RNASEH1: variants seen among roughly 807,000 people sequenced by gnomAD.
RNASEH1 encodes the protein ribonuclease H type II.
Under a neutral mutation model 34.6 loss-of-function variants are expected in RNASEH1, and 27 were observed. The ratio of observed to expected loss-of-function variants is 0.78; its 90% confidence interval spans 0.58 to 1.08. The LOEUF (loss-of-function observed/expected upper bound fraction) is 1.08, where lower values mean the gene tolerates loss of function less well. RNASEH1 is among the 50% of genes least tolerant of loss of function. The probability of loss-of-function intolerance (pLI) is 0.00; values close to 1 mark genes in which losing one functional copy is unlikely to be tolerated. For missense variants in RNASEH1, 349 were observed against 373.6 expected (o/e 0.93, Z 0.54); for synonymous variants, 162 against 138.4 (o/e 1.17, Z -1.20).
rs899397466 is a variant in RNASEH1, at chr2:3,542,937, G to A, written c.*2848C>T. ...TCTAGAAATAATGACCAACGCAATA[G>A]CAATGAGCATCCTAAACTGGATCTG... is the stretch of plus-strand genomic sequence containing the variant. On this transcript the variant is annotated 3_prime_UTR_variant, in exon 8 of 8. Coordinates refer to ENST00000315212, the MANE Select transcript of RNASEH1 (RefSeq NM_002936.6). Among the ~76,000 whole-genome samples, 1 of 152,138 alleles carries A rather than the reference G, an allele frequency of 6.6e-6. No individual in the cohort carries two copies. The highest frequency in any genetic ancestry group is 1.5e-5 in the Non-Finnish European group (1 of 68,034).
Position 3,550,405 on chromosome 2 carries a change from T to C in RNASEH1, c.477A>G (p.Gly159=), listed in dbSNP as rs771128220. 20 of 1,614,054 alleles carry C rather than the reference T, an allele frequency of 1.2e-5. No homozygotes were observed. In the South Asian group the frequency reaches 2.2e-4, roughly 18 times the overall value. The change falls in exon 4 of 8, where the codon GGA becomes GGG. Residue 159 remains glycine (G), a synonymous_variant. Coordinates refer to ENST00000315212, the MANE Select transcript of RNASEH1 (RefSeq NM_002936.6). ...GGCCTGGCCCCCAGTAAACGCCGAT[T>C]CCTGCTCGCGGCCTTCTACGCCCAT... ...SSNGRRRPRA[G]IGVYWGPGHP... is the part of the protein sequence containing the mutation.
Position 3,544,331 on chromosome 2 carries a change from A to G in RNASEH1, c.*1454T>C, listed in dbSNP as rs1668548906. ...AACATAGAGGACCATGCTGAACTAC[A>G]CCATGACCACGTGGTCAGCAAAATC... On this transcript the variant is annotated 3_prime_UTR_variant, in exon 8 of 8. Coordinates refer to ENST00000315212, the MANE Select transcript of RNASEH1 (RefSeq NM_002936.6). Among the ~76,000 whole-genome samples, 1 of 151,212 alleles carries G rather than the reference A, an allele frequency of 6.6e-6. No individual in the cohort carries two copies. The highest frequency in any genetic ancestry group is 2.4e-5 in the African/African-American group (1 of 41,014).
chr2:3,539,596 CAT>C (rs1300310124), downstream of RNASEH1, among the ~76,000 whole-genome samples: 6 of 152,106 alleles, frequency 3.9e-5, no homozygotes, highest in African/African-American at 1.2e-4. Flanking sequence ...CGGCCCTCCC[CAT>C]GTTACCCCTG....
At chr2:3,554,617 CTAAAGTT>C (rs766443731) in intron 2 of RNASEH1, among the ~76,000 whole-genome samples, 2 of 152,098 alleles carry the variant, frequency 1.3e-5, no homozygotes, top group Admixed American at 1.3e-4. Flanking sequence ...TAGGAGGTCT[CTAAAGTT>C]TAAAGAAGTA....
At chr2:3,540,837 A>T (rs1475399394), downstream of RNASEH1, among the ~76,000 whole-genome samples, 1 of 152,084 alleles carries the variant, frequency 6.6e-6, no homozygotes, top group Non-Finnish European at 1.5e-5. Context: ...AGGCAGCAGC[A>T]GGAGCATGCT....
In RNASEH1 at chr2:3,550,932, T is replaced by C. The variant is rs115082293; in HGVS notation, c.410-460A>G. ...ATTTCTTCCCTGGCATATTTGCTGCTAGTTAAGTGTGGTTCCCGTCTTTGC... is the reference window on the plus strand; with the variant it reads ...ATTTCTTCCCTGGCATATTTGCTGCCAGTTAAGTGTGGTTCCCGTCTTTGC... On this transcript the variant is annotated intron_variant, in intron 3 of 7. Transcript: ENST00000315212. Among the ~76,000 whole-genome samples, 625 of 152,340 alleles carry C rather than the reference T, an allele frequency of 4.1e-3. 2 individuals carry two copies. Among genetic ancestry groups the C allele is most frequent in the African/African-American group, 0.015 (609 of 41,570 alleles).
intron 6 of RNASEH1, 85 bp from the exon 7 acceptor site, chr2:3,548,140 C>T: frequency 6.7e-7 from 1 of 1,497,644 alleles, no homozygotes; most frequent in Admixed American, 1.7e-5. Context: ...ATAATTGATC[C>T]CACTTGTATT....
downstream of RNASEH1, among the ~76,000 whole-genome samples, chr2:3,538,379 T>C (rs904053875): frequency 6.6e-6 from 1 of 151,276 alleles, no homozygotes; most frequent in African/African-American, 2.4e-5. Flanking sequence ...TATATATATA[T>C]AAAAGATAAA....
Position 3,548,734 on chromosome 2 carries a change from A to T in RNASEH1, c.565-10T>A. ...TGGCTTTGCAGGCTGCCTTGAAAAG[A>T]CAAGTCGATAGTCATGCTACAGAAA... On this transcript the variant is annotated splice_polypyrimidine_tract_variant and intron_variant, in intron 5 of 7. Transcript: ENST00000315212. 6.3e-7 allele frequency: 1 copy of T among 1,599,950 alleles called. No homozygotes were observed. Among genetic ancestry groups the T allele is most frequent in the Non-Finnish European group, 8.6e-7 (1 of 1,167,916 alleles).
chr2:3,549,896 A>C (rs544632084), intron 4 of RNASEH1, among the ~76,000 whole-genome samples: 1 of 150,768 alleles, frequency 6.6e-6, no homozygotes, highest in East Asian at 2.0e-4. Flanking sequence ...CAGTGAGCCG[A>C]GATCGCGCCA....
At chr2:3,537,991 C>T (rs531381577), downstream of RNASEH1, among the ~76,000 whole-genome samples, 2 of 150,406 alleles carry the variant, frequency 1.3e-5, no homozygotes, top group South Asian at 2.1e-4. Context: ...CAGTTGAGAT[C>T]GCACCATTGC....
chr2:3,551,648 C>A (rs141840345), intron 3 of RNASEH1, among the ~76,000 whole-genome samples: 19 of 152,244 alleles, frequency 1.2e-4, no homozygotes, highest in Admixed American at 3.9e-4. Flanking sequence ...GTAAAAGACA[C>A]AAAGGAGAAT....
In RNASEH1 at chr2:3,542,377, A is replaced by G. The variant is rs1558443912; in HGVS notation, c.*3408T>C. Among the ~76,000 whole-genome samples, 2 of 152,224 alleles carry G rather than the reference A, an allele frequency of 1.3e-5. No homozygotes were observed. Among genetic ancestry groups the G allele is most frequent in the Admixed American group, 6.5e-5 (1 of 15,284 alleles). On this transcript the variant is annotated 3_prime_UTR_variant, in exon 8 of 8. Coordinates refer to ENST00000315212, the MANE Select transcript of RNASEH1 (RefSeq NM_002936.6). Reference sequence around the variant, plus strand: ...AGCATATGACTGTCAGGGGAAGAAAACAAGATTCATCAGGCTTTTCATGCA... The same window carrying G: ...AGCATATGACTGTCAGGGGAAGAAAGCAAGATTCATCAGGCTTTTCATGCA...
At chr2:3,540,866 C>T (rs1668256963), downstream of RNASEH1, among the ~76,000 whole-genome samples, 2 of 152,096 alleles carry the variant, frequency 1.3e-5, no homozygotes, top group African/African-American at 2.4e-5. Flanking sequence ...CTTCTCAAAT[C>T]CCCACCTAAA....
intron 1 of RNASEH1, among the ~76,000 whole-genome samples, chr2:3,557,485 C>G (rs1303757149): frequency 6.6e-6 from 1 of 152,204 alleles, no homozygotes; most frequent in Non-Finnish European, 1.5e-5. Flanking sequence ...TTCTGAGATG[C>G]TTCTTCCTCA....
rs1189689927 is a variant in RNASEH1, at chr2:3,552,006, T to C, written c.409+138A>G. 7.3e-6 allele frequency: 5 copies of C among 681,752 alleles called. No homozygotes were observed. In the South Asian group the frequency reaches 8.4e-5, roughly 12 times the overall value. The allele number at this position is 681,752 out of a possible 1,614,324, so 42.2% of individuals were successfully genotyped here. ...TGATTATAAATAATGGCCTTAGTGA[T>C]TTCTAAATAATCTTTACACATAAGA... On this transcript the variant is annotated intron_variant, in intron 3 of 7. Coordinates refer to ENST00000315212, the MANE Select transcript of RNASEH1 (RefSeq NM_002936.6).
chr2:3,549,179 G>A, intron 4 of RNASEH1, 67 bp from the exon 5 acceptor site: 1 of 1,186,194 alleles, frequency 8.4e-7, no homozygotes, highest in South Asian at 1.2e-5. Context: ...TCTTCTTAAT[G>A]GATAACGATA....
intron 1 of RNASEH1, chr2:3,557,773 T>G: frequency 1.1e-6 from 1 of 876,912 alleles, no homozygotes. Flanking sequence ...AATCCCAATT[T>G]AGCTGGTACG....
intron 7 of RNASEH1, 102 bp from the exon 8 acceptor site, chr2:3,545,973 C>T: frequency 2.5e-6 from 2 of 810,926 alleles, no homozygotes; most frequent in South Asian, 2.8e-5. Context: ...GACTGCACAG[C>T]ATAAGCTCAA....
Sources: gnomAD v4.1 joint callset for allele counts (sites outside exome capture counted in the v4.1 genomes callset) on GRCh38, gnomAD v4.1.1 for gene constraint, MANE v1.5 for transcripts, NCBI Gene and HGNC (gene_info 2026-07-23, HGNC 2026-07-21) for gene names.